CAMKK2: variants seen among roughly 807,000 people sequenced by gnomAD.
The protein encoded by CAMKK2 is calcium/calmodulin-dependent protein kinase kinase 2.
A neutral mutation model predicts 67.2 loss-of-function variants in CAMKK2; 30 were observed. The ratio of observed to expected loss-of-function variants is 0.45; its 90% CI spans 0.33 to 0.61. The LOEUF (loss-of-function observed/expected upper bound fraction) is 0.61. Ranked by LOEUF, CAMKK2 falls within the 20% of genes least tolerant of loss-of-function variation. The pLI, the probability that CAMKK2 is intolerant of heterozygous loss-of-function variation, is 0.02. For synonymous variants in CAMKK2, 322 were observed against 326.2 expected (o/e 0.99, Z 0.14); for missense variants, 643 against 802.0 (o/e 0.80, Z 2.39).
chr12:121,271,016 A>C, intron 2 of CAMKK2, 71 bp from the exon 3 acceptor site: 20 of 1,278,334 alleles, frequency 1.6e-5, no homozygotes, highest in Non-Finnish European at 2.1e-5. Context: ...ACGGTGGCTC[A>C]CACCTACAAG....
rs1593269817 is a variant in CAMKK2, at chr12:121,245,324, T to C, written c.1453-84A>G. On this transcript the variant is annotated intron_variant, in intron 14 of 16. Coordinates refer to ENST00000404169, the MANE Select transcript of CAMKK2 (RefSeq NM_001270485.2). This position sits in a 1 kb window ranked among gnomAD's most constrained non-coding sequence, Gnocchi z 5.8. ...TGGGCAACATCCTCCCTCTTCCTTCTCCCCAGCCCCTGCCAGCTCCCAGGG... is the reference window on the plus strand; with the variant it reads ...TGGGCAACATCCTCCCTCTTCCTTCCCCCCAGCCCCTGCCAGCTCCCAGGG... The C allele has an allele frequency of 2.4e-6, 2 of 846,352 alleles. No homozygotes were observed. The highest frequency in any genetic ancestry group is 2.2e-4 in the Middle Eastern group (1 of 4,550). 52.4% of individuals were successfully genotyped at this position (846,352 alleles called of 1,614,324 possible). A position where few individuals can be genotyped will look rare whatever the true frequency, so the allele number is the denominator to read the frequency against.
chr12:121,283,615 T>A (rs1158241132), intron 1 of CAMKK2, among the ~76,000 whole-genome samples: 2 of 151,990 alleles, frequency 1.3e-5, no homozygotes. Context: ...GAATTCAAGA[T>A]CAGCCTGGGC....
In CAMKK2 at chr12:121,288,438, G is replaced by A. The variant is rs1481539795; in HGVS notation, c.-60+8200C>T. On this transcript the variant is annotated intron_variant, in intron 1 of 16. Transcript: ENST00000404169. The stretch of plus-strand genomic sequence containing the variant: ...GCTCTGCAGCTCTGCGGGGCCCAAC[G>A]TCCCCACACCTGGACCTAGAGGGCA... Among the ~76,000 whole-genome samples the A allele has an allele frequency of 3.9e-5, 6 of 152,074 alleles. No individual in the cohort carries two copies. The South Asian group carries it at 1.0e-3, about 26-fold the overall frequency.
At chr12:121,289,424 TTTA>T (rs1402107261) in intron 1 of CAMKK2, among the ~76,000 whole-genome samples, 4 of 152,224 alleles carry the variant, frequency 2.6e-5, no homozygotes, top group African/African-American at 7.2e-5. Context: ...AGATGTCTTT[TTTA>T]TTATTATTAT....
intron 1 of CAMKK2, among the ~76,000 whole-genome samples, chr12:121,275,489 CA>C (rs10669562): frequency 5.9e-3 from 378 of 63,960 alleles, no homozygotes; most frequent in Middle Eastern, 0.025. Flanking sequence ...AAGACTGTCT[CA>C]AAAAAAAAAA....
intron 1 of CAMKK2, among the ~76,000 whole-genome samples, chr12:121,294,556 CAAG>C (rs1566157827): frequency 5.9e-5 from 9 of 152,210 alleles, no homozygotes. Flanking sequence ...CTGGGCTCCT[CAAG>C]AAGCTCAGGG....
intron 14 of CAMKK2, among the ~76,000 whole-genome samples, chr12:121,247,072 C>A (rs1235816268): frequency 6.6e-6 from 1 of 152,062 alleles, no homozygotes; most frequent in African/African-American, 2.4e-5. Context: ...CCTCGCCACA[C>A]CCTCCCTCCA....
Position 121,263,882 on chromosome 12 carries a change from C to T in CAMKK2, c.683G>A (p.Gly228Asp). The change falls in exon 6 of 17, where the codon GGC becomes GAC. Residue 228 changes from glycine (G) to aspartate (D), a missense_variant. Around this residue, in one of 3 missense-constraint regions of CAMKK2, gnomAD observed 483 missense variants for 625.8 expected, o/e 0.77. Transcript: ENST00000404169. ...TTCCTGGTACACCTGCTCAATGGGG[C>T]CCCTGGGCTGGATGCAGCCTCCAGG... is the stretch of plus-strand genomic sequence containing the variant. ...PAPGGCIQPR[G>D]PIEQVYQEIA... 1 of 1,610,326 alleles carries T rather than the reference C, an allele frequency of 6.2e-7. No individual in the cohort carries two copies. The highest frequency in any genetic ancestry group is 8.5e-7 in the Non-Finnish European group (1 of 1,177,200).
intron 1 of CAMKK2, among the ~76,000 whole-genome samples, chr12:121,280,773 A>T (rs1897628467): frequency 6.6e-6 from 1 of 152,164 alleles, no homozygotes; most frequent in Non-Finnish European, 1.5e-5. Flanking sequence ...CTTATTAGGA[A>T]GGGGAAATTC....
chr12:121,286,961 A>G (rs565202530), intron 1 of CAMKK2, among the ~76,000 whole-genome samples: 24 of 152,286 alleles, frequency 1.6e-4, no homozygotes, highest in Admixed American at 3.3e-4. Flanking sequence ...GCTGGAATGC[A>G]GTGGTGCAAT....
chr12:121,245,114 AC>A lies in CAMKK2; in HGVS notation c.1553+25del. 1.3e-6 allele frequency: 2 copies of A among 1,513,002 alleles called. No homozygotes were observed. The highest frequency in any genetic ancestry group is 1.8e-6 in the Non-Finnish European group (2 of 1,105,238). 93.7% of individuals were successfully genotyped at this position (1,513,002 alleles called of 1,614,324 possible). ...CCTAGCCTCCAGCCACCACTCCCCC[AC>A]CCAAGAAGGCAGGCGGCCACTCACG... On this transcript the variant is annotated intron_variant, in intron 15 of 16. Transcript: ENST00000404169. This position sits in a 1 kb window ranked among gnomAD's most constrained non-coding sequence, Gnocchi z 5.8.
In CAMKK2 at chr12:121,253,248, G is replaced by C; in HGVS notation, c.1107+25C>G. On this transcript the variant is annotated intron_variant, in intron 10 of 16. Transcript: ENST00000404169. The surrounding 1 kb of genome is among the most constrained non-coding windows in gnomAD (Gnocchi z 5.0). ...AAGACACTAACACAGGCAGAACTCTGTGGCTGAGGCAGGCCCAAGCTTACC... is the reference window on the plus strand; with the variant it reads ...AAGACACTAACACAGGCAGAACTCTCTGGCTGAGGCAGGCCCAAGCTTACC... The C allele has an allele frequency of 1.1e-5, 17 of 1,607,044 alleles. No individual in the cohort carries two copies. The highest frequency in any genetic ancestry group is 1.4e-5 in the Non-Finnish European group (17 of 1,173,748).
At chr12:121,268,788 C>A in intron 4 of CAMKK2, 99 bp from the exon 5 acceptor site, 1 of 1,109,348 alleles carries the variant, frequency 9.0e-7, no homozygotes, top group Non-Finnish European at 1.4e-6. Flanking sequence ...TACTCCAAAG[C>A]CGGCCCAAGC....
Position 121,263,145 on chromosome 12 carries a change from T to A in CAMKK2, c.759+661A>T, listed in dbSNP as rs376715479. 9.2e-5 allele frequency among the ~76,000 whole-genome samples: 14 copies of A among 152,308 alleles called. No individual in the cohort carries two copies. In the East Asian group the frequency reaches 2.7e-3, roughly 29 times the overall value. On this transcript the variant is annotated intron_variant, in intron 6 of 16. Coordinates refer to ENST00000404169, the MANE Select transcript of CAMKK2 (RefSeq NM_001270485.2). The stretch of plus-strand genomic sequence containing the variant: ...CCACCACGCCCAGCTAATTTTTTTG[T>A]ATTTTTAATCGAGTACAAAGGCATC...
intron 1 of CAMKK2, among the ~76,000 whole-genome samples, chr12:121,286,626 C>T (rs1002176280): frequency 3.9e-5 from 6 of 152,132 alleles, no homozygotes; most frequent in Non-Finnish European, 8.8e-5. Flanking sequence ...TCACTGCAGC[C>T]TTGATCTCCC....
intron 3 of CAMKK2, among the ~76,000 whole-genome samples, chr12:121,270,388 A>T (rs1305204358): frequency 6.6e-6 from 1 of 151,084 alleles, no homozygotes; most frequent in Non-Finnish European, 1.5e-5. Context: ...AAAAAAAATC[A>T]AGATTCCTAG....
In CAMKK2 at chr12:121,240,254, T is replaced by C; in HGVS notation, c.*445A>G. On this transcript the variant is annotated 3_prime_UTR_variant, in exon 17 of 17. Coordinates refer to ENST00000404169, the MANE Select transcript of CAMKK2 (RefSeq NM_001270485.2). The surrounding 1 kb of genome is among the most constrained non-coding windows in gnomAD (Gnocchi z 4.4). ...TTTCCGGTTTGCACTAGGAGCCACA[T>C]CTAGCCCCCTACTCCCTCTCAAATG... 3.2e-6 allele frequency: 2 copies of C among 631,084 alleles called. No individual in the cohort carries two copies. Among genetic ancestry groups the C allele is most frequent in the Non-Finnish European group, 5.5e-6 (2 of 366,634 alleles). The allele number at this position is 631,084 out of a possible 1,614,324, so 39.1% of individuals were successfully genotyped here. A position where few individuals can be genotyped will look rare whatever the true frequency, so the allele number is the denominator to read the frequency against.
intron 1 of CAMKK2, among the ~76,000 whole-genome samples, chr12:121,276,173 A>G (rs191423292): frequency 5.2e-4 from 78 of 150,258 alleles, no homozygotes; most frequent in East Asian, 3.8e-3. Flanking sequence ...AAAAAAAAAA[A>G]AGAGAGAGAA....
chr12:121,278,988 T>C (rs1897272409), intron 1 of CAMKK2, among the ~76,000 whole-genome samples: 1 of 152,210 alleles, frequency 6.6e-6, no homozygotes, highest in Non-Finnish European at 1.5e-5. Flanking sequence ...CTGATAGGGC[T>C]GCAAGAGTTC....
Sources: gnomAD v4.1 joint callset for allele counts (sites outside exome capture counted in the v4.1 genomes callset) on GRCh38, gnomAD v4.1.1 for gene constraint, gnomAD v4.1.1 regional missense constraint, Gnocchi (gnomAD v3.1) non-coding constraint, MANE v1.5 for transcripts, NCBI Gene and HGNC (gene_info 2026-07-23, HGNC 2026-07-21) for gene names.